The following TAB2 variants were observed in gnomAD, a reference collection of about 807,000 sequenced individuals.
The protein encoded by TAB2 is TGF-beta-activated kinase 1 and MAP3K7-binding protein 2.
TAB2 carries 3 observed loss-of-function variants against 65.0 expected under a neutral mutation model. The observed-to-expected ratio is 0.05, with a 90% CI of 0.02 to 0.12. The LOEUF (loss-of-function observed/expected upper bound fraction) is 0.12. TAB2 is among the 10% of genes least tolerant of loss of function. The pLI, the probability that TAB2 is intolerant of heterozygous loss-of-function variation, is 1.00. For missense variants in TAB2, 623 were observed against 840.3 expected (o/e 0.74, Z 3.20); for synonymous variants, 298 against 285.1 (o/e 1.05, Z -0.46).
At chr6:149,330,239 A>G (rs985103223) in intron 1 of TAB2, among the ~76,000 whole-genome samples, 3 of 152,190 alleles carry the variant, frequency 2.0e-5, no homozygotes, top group Admixed American at 1.3e-4. Flanking sequence ...TTTGGGTTGT[A>G]AAAATAAAAC....
chr6:149,358,017 T>C (rs1387532052), intron 1 of TAB2, among the ~76,000 whole-genome samples: 1 of 152,188 alleles, frequency 6.6e-6, no homozygotes, highest in Non-Finnish European at 1.5e-5. Flanking sequence ...TGTATATCTT[T>C]ACATGATTGT....
chr6:149,271,304 G>A (rs895134660), intron 1 of TAB2, among the ~76,000 whole-genome samples: 1 of 152,078 alleles, frequency 6.6e-6, no homozygotes, highest in African/African-American at 2.4e-5. Flanking sequence ...AATGGACAGG[G>A]TTCCTGTTCT....
chr6:149,252,827 G>A (rs1777888312), intron 1 of TAB2, among the ~76,000 whole-genome samples: 1 of 152,160 alleles, frequency 6.6e-6, no homozygotes, highest in African/African-American at 2.4e-5. Flanking sequence ...CCAATAAAAT[G>A]AGAAAGGATG....
upstream of TAB2, among the ~76,000 whole-genome samples, chr6:149,313,486 T>G (rs533544531): frequency 1.3e-5 from 2 of 152,290 alleles, no homozygotes; most frequent in African/African-American, 4.8e-5. Flanking sequence ...CCTTTGGCAA[T>G]CTCATGGCTT....
intron 1 of TAB2, among the ~76,000 whole-genome samples, chr6:149,287,155 A>G (rs953570041): frequency 9.2e-5 from 14 of 152,186 alleles, no homozygotes; most frequent in African/African-American, 3.1e-4. Context: ...GATATTGTTT[A>G]CCTTCAACTC....
chr6:149,346,131 G>A (rs568626029), intron 1 of TAB2, among the ~76,000 whole-genome samples: 8 of 152,172 alleles, frequency 5.3e-5, no homozygotes, highest in Non-Finnish European at 1.2e-4. Flanking sequence ...GGAAGGGGTG[G>A]ATGGGTGGAT....
upstream of TAB2, chr6:149,317,615 G>A (rs1007069591): frequency 1.9e-4 from 30 of 157,086 alleles, no homozygotes; most frequent in African/African-American, 7.3e-4. This position sits in a 1 kb window ranked among gnomAD's most constrained non-coding sequence, Gnocchi z 4.7. Flanking sequence ...GGGGGTGGGG[G>A]GAGGGCAGGC....
intron 1 of TAB2, among the ~76,000 whole-genome samples, chr6:149,357,430 A>AAAAAAAAACACACACACACACACAC: frequency 2.7e-5 from 3 of 111,184 alleles, no homozygotes; most frequent in African/African-American, 1.0e-4. Flanking sequence ...AGAAAAAAAA[A>AAAAAAAAACACACACACACACACAC]ACACACACAC....
intron 1 of TAB2, among the ~76,000 whole-genome samples, chr6:149,335,005 A>G (rs1021844035): frequency 2.0e-5 from 3 of 152,136 alleles, no homozygotes; most frequent in Non-Finnish European, 2.9e-5. Context: ...TACTTGTTCC[A>G]GTCCCACCCC....
In TAB2 at chr6:149,378,275, A is replaced by G. The variant is rs765640727; in HGVS notation, c.360A>G (p.Glu120=). The change falls in exon 3 of 7, where the codon GAA becomes GAG. Residue 120 remains glutamate, a synonymous_variant. Transcript: ENST00000637181. ...TTCAAGGTGGCCAGTCCAATAGTGA[A>G]CTATTTCAGCAGGAGCCACAGACAG... The part of the protein sequence containing the change: ...GQLQGGQSNS[E]LFQQEPQTAP... 1 of 1,614,222 alleles carries G rather than the reference A, an allele frequency of 6.2e-7. No homozygotes were observed. The highest frequency in any genetic ancestry group is 1.3e-5 in the African/African-American group (1 of 75,056).
At chr6:149,359,990 T>C (rs1286799924) in intron 1 of TAB2, among the ~76,000 whole-genome samples, 2 of 152,222 alleles carry the variant, frequency 1.3e-5, no homozygotes, top group African/African-American at 4.8e-5. Context: ...ACTATTAATA[T>C]AATGGAAGTA....
chr6:149,305,949 A>G (rs1318303013), intron 1 of TAB2, among the ~76,000 whole-genome samples: 1 of 152,208 alleles, frequency 6.6e-6, no homozygotes. Context: ...AAGATGACCA[A>G]CGCCTCTCCT....
intron 1 of TAB2, among the ~76,000 whole-genome samples, chr6:149,234,769 G>A (rs778590023): frequency 2.0e-5 from 3 of 150,514 alleles, no homozygotes; most frequent in Non-Finnish European, 2.9e-5. Context: ...ATAGAACTGT[G>A]TGAGATTTTT....
chr6:149,240,184 G>A (rs1334502714), intron 1 of TAB2, among the ~76,000 whole-genome samples: 7 of 152,134 alleles, frequency 4.6e-5, no homozygotes, highest in African/African-American at 7.2e-5. Context: ...CTGGGCCCTC[G>A]GCTCAGGGCC....
chr6:149,268,102 T>C (rs1488592254), intron 1 of TAB2, among the ~76,000 whole-genome samples: 1 of 152,136 alleles, frequency 6.6e-6, no homozygotes, highest in East Asian at 1.9e-4. Context: ...ACCAGAAAAG[T>C]CAAAATGGTA....
chr6:149,242,100 C>G (rs528436277), intron 1 of TAB2, among the ~76,000 whole-genome samples: 32 of 152,228 alleles, frequency 2.1e-4, no homozygotes, highest in African/African-American at 7.7e-4. Context: ...TGTCACTGCT[C>G]GGGATGGCCC....
chr6:149,300,793 G>A (rs905167222), intron 1 of TAB2, among the ~76,000 whole-genome samples: 5 of 152,178 alleles, frequency 3.3e-5, no homozygotes, highest in African/African-American at 1.2e-4. Flanking sequence ...CACTGGGGGG[G>A]TGAAAGGAGT....
At chr6:149,239,115 A>G (rs11966023) in intron 1 of TAB2, among the ~76,000 whole-genome samples, 6,458 of 152,308 alleles carry the variant, frequency 0.042, 459 homozygotes, top group African/African-American at 0.15. Flanking sequence ...TTCTCCATCT[A>G]AAACTCAAGT....
chr6:149,341,769 T>C (rs774205962), intron 1 of TAB2, among the ~76,000 whole-genome samples: 3 of 152,194 alleles, frequency 2.0e-5, no homozygotes, highest in Non-Finnish European at 2.9e-5. Flanking sequence ...TTTTTGGATC[T>C]TCGTCTTCAC....
Sources: allele counts gnomAD v4.1 joint callset (sites outside exome capture counted in the v4.1 genomes callset), GRCh38; gene constraint gnomAD v4.1.1; non-coding constraint Gnocchi (gnomAD v3.1); transcripts MANE v1.5; gene names NCBI Gene and HGNC (gene_info 2026-07-23, HGNC 2026-07-21).